Variants in SERTM1 observed in about 807,000 individuals in gnomAD.
SERTM1 encodes serine-rich and transmembrane domain-containing protein 1.
In SERTM1, 1 loss-of-function variant was observed where a neutral mutation model predicts 5.5. The ratio of observed to expected loss-of-function variants is 0.18; its 90% CI spans 0.06 to 0.86. The LOEUF is 0.86. SERTM1 is among the 40% of genes least tolerant of loss of function. The probability of loss-of-function intolerance (pLI) is 0.69; values close to 1 mark genes in which losing one functional copy is unlikely to be tolerated. For synonymous variants in SERTM1, 52 were observed against 55.1 expected (o/e 0.94, Z 0.25); for missense variants, 91 against 122.4 (o/e 0.74, Z 1.21).
At position 36,674,523 on chromosome 13, in the gene SERTM1, G is replaced by C. The variant is rs569334267; in HGVS notation, c.-174+339G>C. On this transcript the variant is annotated intron_variant, in intron 1 of 1. Coordinates refer to ENST00000315190, the MANE Select transcript of SERTM1 (RefSeq NM_203451.3). The stretch of plus-strand genomic sequence containing the variant: ...GCCTCGGTCCCAGACACTGGGAACC[G>C]GGAAGGTCTACCCTCGCTCTGCAAG... 3.3e-5 allele frequency among the ~76,000 whole-genome samples: 5 copies of C among 152,196 alleles called. No individual in the cohort carries two copies. In the South Asian group the frequency reaches 1.0e-3, roughly 32 times the overall value.
chr13:36,675,911 T>C (rs7323558), intron 1 of SERTM1, among the ~76,000 whole-genome samples: 77,193 of 152,056 alleles, frequency 0.51, 19,833 homozygotes, highest in Middle Eastern at 0.6. Context: ...TTATTATTTT[T>C]GATTCCTCTA....
intron 1 of SERTM1, among the ~76,000 whole-genome samples, chr13:36,691,270 CATT>C (rs747070019): frequency 1.4e-4 from 21 of 152,114 alleles, no homozygotes; most frequent in Non-Finnish European, 2.5e-4. Flanking sequence ...TCTTCCCAAA[CATT>C]ATAGTCCTCA....
At position 36,695,321 on chromosome 13, in the gene SERTM1, C is replaced by T. The variant is rs1334976171; in HGVS notation, c.243C>T (p.Ser81=). Residue 81 remains serine (S), a synonymous_variant, in exon 2 of 2, where the codon AGC becomes AGT. Transcript: ENST00000315190. ...GTTCCTCCTACCCAGAGTATCCAAG[C>T]GACGCTGGAAGTTCTTTCACCAATT... ...SSSSSYPEYP[S]DAGSSFTNLE... is the part of the protein sequence containing the mutation. The T allele has an allele frequency of 6.2e-6, 10 of 1,613,912 alleles. No homozygotes were observed. The East Asian group carries it at 6.7e-5, about 11-fold the overall frequency.
In SERTM1 at chr13:36,688,427, G is replaced by A. The variant is rs150594655; in HGVS notation, c.-173-6479G>A. Among the ~76,000 whole-genome samples the A allele has an allele frequency of 3.1e-3, 475 of 152,156 alleles. 8 individuals are homozygous for A. Among genetic ancestry groups the A allele is most frequent in the East Asian group, 0.015 (77 of 5,166 alleles). ...AGGTTTTCTTCATGTTGCCCAGGCTGGTCTTGAACTCCTGGGCTCAAGCGA... is the reference window on the plus strand; with the variant it reads ...AGGTTTTCTTCATGTTGCCCAGGCTAGTCTTGAACTCCTGGGCTCAAGCGA... On this transcript the variant is annotated intron_variant, in intron 1 of 1. Transcript: ENST00000315190.
chr13:36,677,201 T>C (rs930451553), intron 1 of SERTM1, among the ~76,000 whole-genome samples: 7 of 152,154 alleles, frequency 4.6e-5, no homozygotes, highest in African/African-American at 1.7e-4. Context: ...ATTTAGCCTT[T>C]ACTAACTTTG....
Position 36,695,134 on chromosome 13 carries a change from T to G in SERTM1, c.56T>G (p.Phe19Cys). 6.2e-7 allele frequency: 1 copy of G among 1,614,244 alleles called. No homozygotes were observed. The highest frequency in any genetic ancestry group is 8.5e-7 in the Non-Finnish European group (1 of 1,180,030). Residue 19 changes from phenylalanine to cysteine, a missense_variant, in exon 2 of 2, where the codon TTT becomes TGT. Phe to Cys is a radical substitution (Grantham distance 205, BLOSUM62 -2). Transcript: ENST00000315190. ...TCGGGAAGTGTGGAGAATGGAACTT[T>G]TCTTGAGCTGTTTCCCACATCCCTG... ...GFSGSVENGT[F>C]LELFPTSLST...
At chr13:36,688,597 AGCTGATCT>A (rs2138094179) in intron 1 of SERTM1, among the ~76,000 whole-genome samples, 1 of 152,332 alleles carries the variant, frequency 6.6e-6, no homozygotes, top group East Asian at 1.9e-4. Context: ...AACCAATTTT[AGCTGATCT>A]GAGATTAAAA....
chr13:36,684,718 G>C (rs1052373962), intron 1 of SERTM1, among the ~76,000 whole-genome samples: 3 of 151,786 alleles, frequency 2.0e-5, no homozygotes, highest in African/African-American at 7.3e-5. Flanking sequence ...TGTAAAAATA[G>C]TGAATAATGG....
intron 1 of SERTM1, among the ~76,000 whole-genome samples, chr13:36,685,301 G>A (rs2056733373): frequency 6.6e-6 from 1 of 152,198 alleles, no homozygotes; most frequent in Non-Finnish European, 1.5e-5. Flanking sequence ...AACCCACATG[G>A]GAAGGTGCTT....
intron 1 of SERTM1, among the ~76,000 whole-genome samples, chr13:36,688,491 G>C (rs1406453537): frequency 6.6e-6 from 1 of 152,170 alleles, no homozygotes; most frequent in Non-Finnish European, 1.5e-5. Context: ...GGGATTACAG[G>C]CATAAGTCAC....
chr13:36,694,895 T>C lies in SERTM1; in HGVS notation c.-173-11T>C. 1 of 558,458 alleles carries C rather than the reference T, an allele frequency of 1.8e-6. No homozygotes were observed. Among genetic ancestry groups the C allele is most frequent in the South Asian group, 2.6e-5 (1 of 38,652 alleles). The allele number at this position is 558,458 out of a possible 1,614,324, so 34.6% of individuals were successfully genotyped here. On this transcript the variant is annotated splice_polypyrimidine_tract_variant and intron_variant, in intron 1 of 1. Transcript: ENST00000315190. ...TTCTGAAGAATGCACTGACTTGCTT[T>C]TTTTTTTCAGTCTCAATGCACATCT...
intron 1 of SERTM1, among the ~76,000 whole-genome samples, chr13:36,686,801 G>C (rs562889449): frequency 1.3e-5 from 2 of 152,080 alleles, no homozygotes; most frequent in Admixed American, 6.5e-5. Context: ...ATTGATCCAA[G>C]ATCCACCAAG....
intron 1 of SERTM1, among the ~76,000 whole-genome samples, chr13:36,681,959 G>C (rs1456005205): frequency 1.3e-5 from 2 of 152,158 alleles, no homozygotes; most frequent in East Asian, 3.8e-4. Flanking sequence ...AGACACAGTT[G>C]GTTGATTTTT....
At position 36,697,615 on chromosome 13, in the gene SERTM1, A is replaced by ATCAAT. The variant is rs1329953819; in HGVS notation, c.*2217_*2218insTTCAA. The ATCAAT allele has an allele frequency of 6.0e-6, 1 of 166,988 alleles. No homozygotes were observed. Among genetic ancestry groups the ATCAAT allele is most frequent in the African/African-American group, 2.4e-5 (1 of 41,430 alleles). 10.3% of individuals were successfully genotyped at this position (166,988 alleles called of 1,614,324 possible). A position where few individuals can be genotyped will look rare whatever the true frequency, so the allele number is the denominator to read the frequency against. Reference sequence around the variant, plus strand: ...AAAACTACTTTAAAAATCAAATCAAATCAAATCCACAAGCACACTCCCATT... The same window carrying ATCAAT: ...AAAACTACTTTAAAAATCAAATCAAATCAATTCAAATCCACAAGCACACTCCCATT... On this transcript the variant is annotated 3_prime_UTR_variant, in exon 2 of 2. Transcript: ENST00000315190.
chr13:36,689,304 G>A (rs1291903443), intron 1 of SERTM1, among the ~76,000 whole-genome samples: 1 of 151,926 alleles, frequency 6.6e-6, no homozygotes, highest in Non-Finnish European at 1.5e-5. Flanking sequence ...TCAGGAGTTC[G>A]AGACTAGCCT....
intron 1 of SERTM1, among the ~76,000 whole-genome samples, chr13:36,676,098 T>A (rs1352027056): frequency 6.6e-6 from 1 of 152,186 alleles, no homozygotes; most frequent in Non-Finnish European, 1.5e-5. Flanking sequence ...TATAAATAAC[T>A]GTGTGATTGC....
chr13:36,676,458 CTTAA>C (rs1170157690), intron 1 of SERTM1, among the ~76,000 whole-genome samples: 14 of 151,936 alleles, frequency 9.2e-5, no homozygotes, highest in Admixed American at 5.2e-4. Flanking sequence ...CATTTTTATA[CTTAA>C]TTAGTTATAA....
intron 1 of SERTM1, among the ~76,000 whole-genome samples, chr13:36,683,024 T>C (rs970223647): frequency 1.3e-5 from 2 of 152,178 alleles, no homozygotes; most frequent in African/African-American, 4.8e-5. Context: ...GCCTCCCAAG[T>C]AGCTAGTTTT....
rs561921126 is a variant in SERTM1 at position 36,690,337 on chromosome 13, CG to C, written c.-173-4567del. Among the ~76,000 whole-genome samples, 241 of 152,300 alleles carry C rather than the reference CG, an allele frequency of 1.6e-3. 1 individual carries two copies. Among genetic ancestry groups the C allele is most frequent in the African/African-American group, 5.5e-3 (227 of 41,550 alleles). On this transcript the variant is annotated intron_variant, in intron 1 of 1. Coordinates refer to ENST00000315190, the MANE Select transcript of SERTM1 (RefSeq NM_203451.3). ...AAAGCATTGTACTGATAAGTAAAGGCGGTTCTCAAATAGGCAACTCTATGGA... is the reference window on the plus strand; with the variant it reads ...AAAGCATTGTACTGATAAGTAAAGGCGTTCTCAAATAGGCAACTCTATGGA...
Sources: gnomAD v4.1 joint callset for allele counts (sites outside exome capture counted in the v4.1 genomes callset) on GRCh38, gnomAD v4.1.1 for gene constraint, MANE v1.5 for transcripts, NCBI Gene and HGNC (gene_info 2026-07-23, HGNC 2026-07-21) for gene names.